CCDC3: variants seen among roughly 807,000 people sequenced by gnomAD.
The protein encoded by CCDC3 is coiled-coil domain containing 3.
CCDC3 carries 24 observed loss-of-function variants against 21.4 expected under a neutral mutation model. That is an observed-to-expected ratio of 1.12 (90% CI 0.81 to 1.58). CCDC3 has a LOEUF of 1.58. Ranked by LOEUF, CCDC3 falls within the 40% of genes most tolerant of loss-of-function variation. The pLI, the probability that CCDC3 is intolerant of heterozygous loss-of-function variation, is 0.00. For synonymous variants in CCDC3, 186 were observed against 166.0 expected (o/e 1.12, Z -0.93); for missense variants, 425 against 360.9 (o/e 1.18, Z -1.44).
chr10:12,981,304 C>G lies in CCDC3; in HGVS notation c.549+17034G>C, dbSNP rs146860640. ...AAGTGATTCTCCTGCCTCAGCCTCCCGAGTAGGTAGAATTACAGGCACCTG... is the reference window on the plus strand; with the variant it reads ...AAGTGATTCTCCTGCCTCAGCCTCCGGAGTAGGTAGAATTACAGGCACCTG... On this transcript the variant is annotated intron_variant, in intron 2 of 2. Transcript: ENST00000378825. Among the ~76,000 whole-genome samples, 455 of 151,534 alleles carry G rather than the reference C, an allele frequency of 3.0e-3. 11 individuals are homozygous for G. In the East Asian group the frequency reaches 0.052, roughly 17 times the overall value.
chr10:12,923,315 CA>C (rs1834481804), intron 2 of CCDC3, among the ~76,000 whole-genome samples: 1 of 152,216 alleles, frequency 6.6e-6, no homozygotes, highest in Non-Finnish European at 1.5e-5. Flanking sequence ...CTCCCTCTGA[CA>C]TCATTACTTT....
intron 5 of CCDC3, among the ~76,000 whole-genome samples, chr10:13,013,010 G>C (rs769458844): frequency 1.3e-4 from 20 of 152,168 alleles, no homozygotes; most frequent in Non-Finnish European, 2.8e-4. Context: ...ACAAAACTAA[G>C]TGTAAAGGAG....
At chr10:12,987,766 A>G (rs1482970337) in intron 2 of CCDC3, among the ~76,000 whole-genome samples, 1 of 152,220 alleles carries the variant, frequency 6.6e-6, no homozygotes, top group African/African-American at 2.4e-5. Flanking sequence ...GGAAGATGAC[A>G]CAGAGCAAAT....
intron 2 of CCDC3, among the ~76,000 whole-genome samples, chr10:12,949,166 C>T (rs1262848382): frequency 1.3e-5 from 2 of 152,280 alleles, no homozygotes; most frequent in South Asian, 2.1e-4. Context: ...CAGTGTTCCC[C>T]TTGTTTCCTC....
At chr10:13,077,825 G>C (rs77538812) in intron 3 of CCDC3, among the ~76,000 whole-genome samples, 113,397 of 151,898 alleles carry the variant, frequency 0.75, 42,629 homozygotes, top group Middle Eastern at 0.83. Flanking sequence ...GCTGAAACTG[G>C]ATCCCTTCCT....
chr10:12,928,763 T>C (rs1195892951), intron 2 of CCDC3, among the ~76,000 whole-genome samples: 2 of 152,276 alleles, frequency 1.3e-5, no homozygotes, highest in Middle Eastern at 3.4e-3. Flanking sequence ...TGGACCACAG[T>C]TCCATCCCTG....
At chr10:12,942,617 G>A (rs998362785) in intron 2 of CCDC3, among the ~76,000 whole-genome samples, 4 of 152,110 alleles carry the variant, frequency 2.6e-5, no homozygotes, top group East Asian at 1.9e-4. Flanking sequence ...ACATGGCACC[G>A]GCCAGGTAGA....
intron 2 of CCDC3, among the ~76,000 whole-genome samples, chr10:12,900,946 AG>A (rs1186432270): frequency 2.0e-5 from 3 of 152,154 alleles, no homozygotes; most frequent in African/African-American, 7.2e-5. Context: ...GCAGACCGAT[AG>A]CCGATAGCCC....
At chr10:13,074,009 T>C (rs1486615297) in exon 4 of CCDC3, 1 of 151,810 alleles carries the variant, frequency 6.6e-6, no homozygotes, top group Non-Finnish European at 1.5e-5. Context: ...TACAGTCTCT[T>C]GAAGAATTCC....
intron 4 of CCDC3, among the ~76,000 whole-genome samples, chr10:13,050,895 TCCCA>T (rs1836597833): frequency 1.3e-5 from 2 of 152,056 alleles, no homozygotes; most frequent in Non-Finnish European, 2.9e-5. Flanking sequence ...CAAGTGATCC[TCCCA>T]CCCCAGCCTC....
intron 4 of CCDC3, among the ~76,000 whole-genome samples, chr10:13,069,212 G>T (rs1341444129): frequency 6.6e-6 from 1 of 152,194 alleles, no homozygotes; most frequent in Admixed American, 6.5e-5. Context: ...CCGAGATTGT[G>T]CCATTGCACT....
At chr10:12,933,174 G>A (rs1039051185) in intron 2 of CCDC3, among the ~76,000 whole-genome samples, 1 of 152,140 alleles carries the variant, frequency 6.6e-6, no homozygotes, top group African/African-American at 2.4e-5. Context: ...TGTAGAATGA[G>A]TTAGGAGAGA....
At chr10:12,977,294 G>T (rs1428638387) in intron 2 of CCDC3, among the ~76,000 whole-genome samples, 2 of 151,708 alleles carry the variant, frequency 1.3e-5, no homozygotes, top group Non-Finnish European at 2.9e-5. Flanking sequence ...GAAAAGAAAG[G>T]AAAGGAAAGG....
chr10:12,951,326 A>C (rs933599255), intron 2 of CCDC3, among the ~76,000 whole-genome samples: 12 of 152,194 alleles, frequency 7.9e-5, no homozygotes, highest in African/African-American at 2.9e-4. Flanking sequence ...ACTGCACTCC[A>C]GCCTGGGTGA....
intron 2 of CCDC3, among the ~76,000 whole-genome samples, chr10:12,921,346 A>T (rs1257507730): frequency 3.3e-5 from 5 of 152,162 alleles, no homozygotes; most frequent in African/African-American, 1.2e-4. Context: ...TCTGTCCCCA[A>T]GGCTGTCTGT....
At chr10:12,955,068 C>T (rs965543305) in intron 2 of CCDC3, among the ~76,000 whole-genome samples, 1 of 152,160 alleles carries the variant, frequency 6.6e-6, no homozygotes, top group African/African-American at 2.4e-5. Flanking sequence ...CAAGAACAAA[C>T]TGTTCAAGTT....
intron 5 of CCDC3, among the ~76,000 whole-genome samples, chr10:13,016,103 TA>T (rs1836055406): frequency 6.6e-6 from 1 of 151,890 alleles, no homozygotes; most frequent in African/African-American, 2.4e-5. Context: ...AGTTAAACAT[TA>T]AAAAAATTTT....
At chr10:12,933,163 T>C (rs1379243460) in intron 2 of CCDC3, among the ~76,000 whole-genome samples, 1 of 152,236 alleles carries the variant, frequency 6.6e-6, no homozygotes, top group Non-Finnish European at 1.5e-5. Context: ...GAGTGCTGGC[T>C]TGTAGAATGA....
In CCDC3 at chr10:12,983,316, TA is replaced by T. The variant is rs1457322799; in HGVS notation, c.549+15021del. ...AGCAGGGAGTGGTGGCTCATGCCTG[TA>T]ATCCCAGCACTTTGGGAAGCTGAGG... On this transcript the variant is annotated intron_variant, in intron 2 of 2. Transcript: ENST00000378825. Among the ~76,000 whole-genome samples the T allele has an allele frequency of 2.0e-5, 3 of 151,568 alleles. No homozygotes were observed. The East Asian group carries it at 5.8e-4, about 29-fold the overall frequency.
Sources: allele counts gnomAD v4.1 joint callset (sites outside exome capture counted in the v4.1 genomes callset), GRCh38; gene constraint gnomAD v4.1.1; transcripts MANE v1.5; gene names NCBI Gene and HGNC (gene_info 2026-07-23, HGNC 2026-07-21).